CTNNBL1: variants seen among roughly 807,000 people sequenced by gnomAD.
CTNNBL1 encodes beta-catenin-like protein 1.
CTNNBL1 carries 31 observed loss-of-function variants against 72.7 expected under a neutral mutation model. The ratio of observed to expected loss-of-function variants is 0.43; its 90% CI spans 0.32 to 0.58. The LOEUF is 0.58. Among genes scored for constraint, CTNNBL1 ranks in the 20% least tolerant of loss-of-function variants. CTNNBL1 has a pLI of 0.08. For synonymous variants in CTNNBL1, 240 were observed against 267.3 expected (o/e 0.90, Z 1.00); for missense variants, 534 against 725.1 (o/e 0.74, Z 3.03).
rs144023900 is a variant in CTNNBL1, at chr20:37,746,691, T to C, written c.466+84T>C. 118 of 1,482,186 alleles carry C rather than the reference T, an allele frequency of 8.0e-5. No homozygotes were observed. The African/African-American group carries it at 1.6e-3, about 20-fold the overall frequency. 91.8% of individuals were successfully genotyped at this position (1,482,186 alleles called of 1,614,324 possible). On this transcript the variant is annotated intron_variant, in intron 4 of 15. Transcript: ENST00000361383. ...TCTTTCTCCTGTCTCTCTTTGTAGA[T>C]GTGTGCTATAAAATCTGATGTTCTG...
chr20:37,838,848 C>CT (rs1289673866), intron 11 of CTNNBL1, among the ~76,000 whole-genome samples: 1 of 152,180 alleles, frequency 6.6e-6, no homozygotes, highest in African/African-American at 2.4e-5. Context: ...GATCGTGCCG[C>CT]TGCACTCCAG....
intron 11 of CTNNBL1, among the ~76,000 whole-genome samples, chr20:37,813,258 G>A (rs1477830019): frequency 6.6e-6 from 1 of 152,200 alleles, no homozygotes; most frequent in Non-Finnish European, 1.5e-5. Flanking sequence ...GCAGAAGCCA[G>A]ACCTGGAAGG....
At position 37,803,444 on chromosome 20, in the gene CTNNBL1, A is replaced by C. The variant is rs1286461454; in HGVS notation, c.1213+396A>C. On this transcript the variant is annotated intron_variant, in intron 11 of 15. Coordinates refer to ENST00000361383, the MANE Select transcript of CTNNBL1 (RefSeq NM_030877.5). ...TCTGTACTAAAGTATGATTCAGCCA[A>C]CATCAGGAATTGCCGAAATAAACTA... is the stretch of plus-strand genomic sequence containing the variant. 9.2e-5 allele frequency among the ~76,000 whole-genome samples: 14 copies of C among 152,284 alleles called. No individual in the cohort carries two copies. In the East Asian group the frequency reaches 2.7e-3, roughly 29 times the overall value.
At chr20:37,777,891 C>G (rs2073590166) in intron 9 of CTNNBL1, among the ~76,000 whole-genome samples, 179 bp downstream of exon 9, 1 of 152,160 alleles carries the variant, frequency 6.6e-6, no homozygotes, top group Admixed American at 6.5e-5. Flanking sequence ...GTCATTTGCT[C>G]TTTATGACCA....
At chr20:37,861,723 A>T (rs1600536248) in intron 15 of CTNNBL1, among the ~76,000 whole-genome samples, 1 of 152,112 alleles carries the variant, frequency 6.6e-6, no homozygotes, top group Non-Finnish European at 1.5e-5. Flanking sequence ...TCTGTTGTTT[A>T]CTCTGTTACC....
rs6125916 is a variant in CTNNBL1, at chr20:37,699,980, G to A, written c.30+5828G>A. On this transcript the variant is annotated intron_variant, in intron 1 of 15. Coordinates refer to ENST00000361383, the MANE Select transcript of CTNNBL1 (RefSeq NM_030877.5). Reference sequence around the variant, plus strand: ...TCAGTTTCCTCATATGCCTAATGAGGGGATTAAGTACGCGACTCTCTCTGA... The same window carrying A: ...TCAGTTTCCTCATATGCCTAATGAGAGGATTAAGTACGCGACTCTCTCTGA... Among the ~76,000 whole-genome samples, 439 of 152,100 alleles carry A rather than the reference G, an allele frequency of 2.9e-3. 1 individual carries two copies. Among genetic ancestry groups the A allele is most frequent in the Non-Finnish European group, 4.8e-3 (328 of 67,998 alleles).
chr20:37,799,484 C>T (rs1325014577), intron 10 of CTNNBL1, among the ~76,000 whole-genome samples: 2 of 152,196 alleles, frequency 1.3e-5, no homozygotes, highest in African/African-American at 4.8e-5. Flanking sequence ...AGTGTCCTTG[C>T]TCTTCGTTCT....
chr20:37,719,674 A>T (rs2073023164), intron 1 of CTNNBL1, among the ~76,000 whole-genome samples: 1 of 152,180 alleles, frequency 6.6e-6, no homozygotes, highest in Non-Finnish European at 1.5e-5. Context: ...AGTGGGATTT[A>T]TCTTACTTTT....
chr20:37,819,684 T>G (rs1255575515), intron 11 of CTNNBL1, among the ~76,000 whole-genome samples: 14 of 152,118 alleles, frequency 9.2e-5, no homozygotes, highest in Non-Finnish European at 1.5e-5. Flanking sequence ...GATTTTAACA[T>G]TCAGAATTAT....
chr20:37,720,896 T>C (rs147220628), intron 1 of CTNNBL1, among the ~76,000 whole-genome samples: 340 of 152,284 alleles, frequency 2.2e-3, no homozygotes, highest in African/African-American at 7.6e-3. Flanking sequence ...TAGAGACTTA[T>C]TCACACATAC....
chr20:37,728,030 T>G (rs1369589164), intron 1 of CTNNBL1, among the ~76,000 whole-genome samples: 1 of 152,244 alleles, frequency 6.6e-6, no homozygotes, highest in East Asian at 1.9e-4. Flanking sequence ...TTCAACTTTT[T>G]GCGTCCATAT....
chr20:37,853,629 T>A lies in CTNNBL1; in HGVS notation c.1393-6270T>A, dbSNP rs564422575. On this transcript the variant is annotated intron_variant, in intron 13 of 15. Transcript: ENST00000361383. ...ATAAAAGGAGTCAGAAGTGTATTAA[T>A]CCATTTAGAAGTTGACACTGTCTGT... is the stretch of plus-strand genomic sequence containing the variant. 1.4e-3 allele frequency among the ~76,000 whole-genome samples: 219 copies of A among 152,330 alleles called. 1 individual carries two copies. Among genetic ancestry groups the A allele is most frequent in the African/African-American group, 5.1e-3 (213 of 41,570 alleles).
chr20:37,807,119 T>C (rs938406720), intron 11 of CTNNBL1, among the ~76,000 whole-genome samples: 47 of 152,180 alleles, frequency 3.1e-4, no homozygotes, highest in Non-Finnish European at 6.2e-4. Flanking sequence ...CCTGAGGTGG[T>C]ACAGATGGAT....
At chr20:37,860,763 A>G (rs1377668264) in intron 15 of CTNNBL1, among the ~76,000 whole-genome samples, 1 of 152,364 alleles carries the variant, frequency 6.6e-6, no homozygotes, top group Admixed American at 6.5e-5. Context: ...CTGTCCAGAA[A>G]TAGATAAGTA....
chr20:37,708,028 GT>G (rs1437798870), intron 1 of CTNNBL1, among the ~76,000 whole-genome samples: 2 of 152,150 alleles, frequency 1.3e-5, no homozygotes, highest in Non-Finnish European at 2.9e-5. Context: ...CGTGTTTGTA[GT>G]GCCTGAAAAC....
At chr20:37,823,184 C>G (rs1390783702) in intron 11 of CTNNBL1, among the ~76,000 whole-genome samples, 2 of 152,212 alleles carry the variant, frequency 1.3e-5, no homozygotes, top group African/African-American at 4.8e-5. Flanking sequence ...AGCATTTTCA[C>G]TACAGAGATG....
chr20:37,754,803 T>C (rs545703462), intron 4 of CTNNBL1, among the ~76,000 whole-genome samples: 2 of 152,190 alleles, frequency 1.3e-5, no homozygotes, highest in East Asian at 3.9e-4. Flanking sequence ...GCAGTGACCT[T>C]TAGATAACTT....
At chr20:37,777,850 A>T in intron 9 of CTNNBL1, 138 bp downstream of exon 9, 1 of 820,436 alleles carries the variant, frequency 1.2e-6, no homozygotes, top group Non-Finnish European at 2.1e-6. Context: ...TGAGGGTTAT[A>T]CGGAGGGACA....
chr20:37,802,884 G>A lies in CTNNBL1; in HGVS notation c.1049G>A (p.Arg350Gln), dbSNP rs777834259. The change falls in exon 11 of 16, where the codon CGG becomes CAG. Residue 350 changes from arginine to glutamine, a missense_variant. Physicochemically the swap from Arg to Gln is conservative, Grantham distance 43 (BLOSUM62 1). Coordinates refer to ENST00000361383, the MANE Select transcript of CTNNBL1 (RefSeq NM_030877.5). ...GTTCACAGGGAAAAGAAGATCTCCC[G>A]GAGCAGTGCCCTGAAAGTGCTGGAC... ...NLMLREKKISRSSALKVLDHA... is the reference protein window; with the variant it reads ...NLMLREKKISQSSALKVLDHA... 2.4e-5 allele frequency: 39 copies of A among 1,612,472 alleles called. No individual in the cohort carries two copies. The highest frequency in any genetic ancestry group is 4.0e-5 in the African/African-American group (3 of 74,790).
Sources: allele counts gnomAD v4.1 joint callset (sites outside exome capture counted in the v4.1 genomes callset), GRCh38; gene constraint gnomAD v4.1.1; transcripts MANE v1.5; gene names NCBI Gene and HGNC (gene_info 2026-07-23, HGNC 2026-07-21).